Variants in ZNF398 observed in about 807,000 individuals in gnomAD.
ZNF398 encodes zinc finger DNA binding protein ZER6.
Under a neutral mutation model 41.9 loss-of-function variants are expected in ZNF398, and 18 were observed. That is an observed-to-expected ratio of 0.43 (90% confidence interval 0.30 to 0.64). ZNF398 has a LOEUF of 0.64. Ranked by LOEUF, ZNF398 falls within the 30% of genes least tolerant of loss-of-function variation. The pLI is 0.14. For synonymous variants in ZNF398, 260 were observed against 308.8 expected (o/e 0.84, Z 1.66); for missense variants, 669 against 822.8 (o/e 0.81, Z 2.29).
At chr7:149,146,795 C>T (rs1826953485), upstream of ZNF398, among the ~76,000 whole-genome samples, 1 of 151,676 alleles carries the variant, frequency 6.6e-6, no homozygotes, top group Non-Finnish European at 1.5e-5. Context: ...TGCAGTGAGC[C>T]GAGATCCCGC....
intron 2 of ZNF398, among the ~76,000 whole-genome samples, chr7:149,140,618 G>A (rs1047964935): frequency 2.1e-4 from 32 of 151,996 alleles, no homozygotes; most frequent in Non-Finnish European, 1.2e-4. Flanking sequence ...TCCTGACCTC[G>A]GGTGATCCAC....
chr7:149,158,510 C>T (rs1055847371), intron 2 of ZNF398, among the ~76,000 whole-genome samples: 3 of 152,162 alleles, frequency 2.0e-5, no homozygotes, highest in Admixed American at 6.5e-5. Context: ...GCATCTGGAG[C>T]TCCTCCAGAA....
chr7:149,133,437 T>C (rs1035134680), intron 2 of ZNF398, among the ~76,000 whole-genome samples: 1 of 150,884 alleles, frequency 6.6e-6, no homozygotes, highest in Non-Finnish European at 1.5e-5. Context: ...TTATGACCTG[T>C]ATGTTGTGCT....
Position 149,182,211 on chromosome 7 carries a change from C to A in ZNF398, c.*2410C>A, listed in dbSNP as rs148368285. ...GACCTAAACTTTGGCAAAAAGTGAACACAATTCAAATACGAATGAAGGAAG... is the reference window on the plus strand; with the variant it reads ...GACCTAAACTTTGGCAAAAAGTGAAAACAATTCAAATACGAATGAAGGAAG... On this transcript the variant is annotated 3_prime_UTR_variant, in exon 6 of 6. Transcript: ENST00000475153. 3.1e-4 allele frequency: 47 copies of A among 152,270 alleles called. No homozygotes were observed. Among genetic ancestry groups the A allele is most frequent in the African/African-American group, 1.0e-3 (42 of 41,530 alleles). 9.4% of individuals were successfully genotyped at this position (152,270 alleles called of 1,614,324 possible).
At position 149,179,239 on chromosome 7, in the gene ZNF398, G is replaced by A. The variant is rs776172764; in HGVS notation, c.1367G>A (p.Arg456His). 16 of 1,612,708 alleles carry A rather than the reference G, an allele frequency of 9.9e-6. No individual in the cohort carries two copies. The highest frequency in any genetic ancestry group is 4.4e-5 in the South Asian group (4 of 91,050). The change falls in exon 6 of 6, where the codon CGC (arginine) becomes CAC (histidine). Residue 456 changes from arginine (R) to histidine (H), a missense_variant. Around this residue, in one of 3 missense-constraint regions of ZNF398, gnomAD observed 210 missense variants for 290.4 expected, o/e 0.72. Coordinates refer to ENST00000475153, the MANE Select transcript of ZNF398 (RefSeq NM_170686.3). This position sits in a 1 kb window ranked among gnomAD's most constrained non-coding sequence, Gnocchi z 6.1. ...GCTCATGCAAGCGAAAGGCCCTTCC[G>A]CTGTGCCCAGTGCGGCAGGAGCTTC... ...RRAHASERPFRCAQCGRSFSL... is the reference protein window; with the variant it reads ...RRAHASERPFHCAQCGRSFSL...
chr7:149,155,716 T>TA (rs1335995239), intron 2 of ZNF398, among the ~76,000 whole-genome samples: 307 of 26,486 alleles, frequency 0.012, 4 homozygotes, highest in East Asian at 0.039. Flanking sequence ...TATTTTTTTT[T>TA]TTTTTTTTTT....
Position 149,179,370 on chromosome 7 carries a change from C to A in ZNF398, c.1498C>A (p.Arg500Ser), listed in dbSNP as rs761838813. Residue 500 changes from arginine to serine, a missense_variant, in exon 6 of 6, where the codon CGC (arginine) becomes AGC (serine). Coordinates refer to ENST00000475153, the MANE Select transcript of ZNF398 (RefSeq NM_170686.3). This position sits in a 1 kb window ranked among gnomAD's most constrained non-coding sequence, Gnocchi z 6.1. ...IDFNGHSALI[R>S]HQMIHTGERP... ...CTTCAACGGCCACTCGGCCCTGATC[C>A]GCCACCAGATGATCCACACAGGCGA... The A allele has an allele frequency of 6.2e-7, 1 of 1,613,074 alleles. No homozygotes were observed. Among genetic ancestry groups the A allele is most frequent in the Admixed American group, 1.7e-5 (1 of 59,994 alleles).
intron 4 of ZNF398, among the ~76,000 whole-genome samples, chr7:149,170,172 A>G (rs535621841): frequency 6.6e-6 from 1 of 152,298 alleles, no homozygotes; most frequent in South Asian, 2.1e-4. Flanking sequence ...TGACAAACAC[A>G]ATCATGCGCT....
intron 4 of ZNF398, among the ~76,000 whole-genome samples, chr7:149,173,097 T>A (rs866941857): frequency 3.2e-5 from 1 of 31,204 alleles, no homozygotes; most frequent in Non-Finnish European, 8.1e-5. Flanking sequence ...ATTTCTATTT[T>A]TTTTTTTTTT....
chr7:149,165,646 C>G (rs2129521111), intron 2 of ZNF398, among the ~76,000 whole-genome samples: 1 of 152,274 alleles, frequency 6.6e-6, no homozygotes, highest in Admixed American at 6.5e-5. Flanking sequence ...AAAATCAATC[C>G]TGTTTGCTCT....
chr7:149,179,306 A>C lies in ZNF398; in HGVS notation c.1434A>C (p.Ala478=). Residue 478 remains alanine, a synonymous_variant, in exon 6 of 6, where the codon GCA becomes GCC. Coordinates refer to ENST00000475153, the MANE Select transcript of ZNF398 (RefSeq NM_170686.3). This position sits in a 1 kb window ranked among gnomAD's most constrained non-coding sequence, Gnocchi z 6.1. ...ISLLLHQRGH[A]QERPFSCPQC... ...TCCTGCTCCACCAGCGGGGTCATGCACAAGAGCGCCCTTTCTCCTGCCCTC... is the reference window on the plus strand; with the variant it reads ...TCCTGCTCCACCAGCGGGGTCATGCCCAAGAGCGCCCTTTCTCCTGCCCTC... The C allele has an allele frequency of 6.2e-7, 1 of 1,613,218 alleles. No individual in the cohort carries two copies. Among genetic ancestry groups the C allele is most frequent in the African/African-American group, 1.3e-5 (1 of 75,026 alleles).
At chr7:149,159,081 C>T (rs1440696675) in intron 2 of ZNF398, among the ~76,000 whole-genome samples, 2 of 150,148 alleles carry the variant, frequency 1.3e-5, no homozygotes, top group South Asian at 2.1e-4. Flanking sequence ...CGGGGTCAAA[C>T]GATTCTCCTG....
chr7:149,131,554 C>T (rs773518614), intron 2 of ZNF398, among the ~76,000 whole-genome samples: 13 of 152,136 alleles, frequency 8.5e-5, no homozygotes, highest in Admixed American at 3.9e-4. Flanking sequence ...GGTGTGGTGG[C>T]GGACGCCTGT....
At position 149,179,423 on chromosome 7, in the gene ZNF398, T is replaced by C. The variant is rs1167962575; in HGVS notation, c.1551T>C (p.Ser517=). The change falls in exon 6 of 6, where the codon AGT becomes AGC. Residue 517 remains serine (S), a synonymous_variant. Coordinates refer to ENST00000475153, the MANE Select transcript of ZNF398 (RefSeq NM_170686.3). The surrounding 1 kb of genome is among the most constrained non-coding windows in gnomAD (Gnocchi z 6.1). ...GTCCTTACCCCTGCACTGACTGCAG[T>C]AAGAGCTTCATGCGCAAGGAGCACC... ...GERPYPCTDC[S]KSFMRKEHLL... is the part of the protein sequence containing the mutation. 1.2e-6 allele frequency: 2 copies of C among 1,613,810 alleles called. No homozygotes were observed. The highest frequency in any genetic ancestry group is 8.5e-7 in the Non-Finnish European group (1 of 1,180,000).
Position 149,147,658 on chromosome 7 carries a change from C to A in ZNF398, c.-85C>A. ...GGCGCCGCCTGTGGAGAGGACCCGGCGGCCGGGCCTGCTTGGAGCCGGGCG... is the reference window on the plus strand; with the variant it reads ...GGCGCCGCCTGTGGAGAGGACCCGGAGGCCGGGCCTGCTTGGAGCCGGGCG... On this transcript the variant is annotated 5_prime_UTR_variant, in exon 1 of 6. Transcript: ENST00000475153. This position sits in a 1 kb window ranked among gnomAD's most constrained non-coding sequence, Gnocchi z 5.6. The A allele has an allele frequency of 8.2e-7, 1 of 1,223,918 alleles. No homozygotes were observed. The highest frequency in any genetic ancestry group is 1.0e-6 in the Non-Finnish European group (1 of 981,186). The allele number at this position is 1,223,918 out of a possible 1,614,324, so 75.8% of individuals were successfully genotyped here.
intron 2 of ZNF398, among the ~76,000 whole-genome samples, chr7:149,162,493 T>C (rs978502780): frequency 6.6e-6 from 1 of 152,120 alleles, no homozygotes; most frequent in African/African-American, 2.4e-5. Context: ...CACAGCTGGC[T>C]AATTTTTAAA....
Position 149,179,100 on chromosome 7 carries a change from C to T in ZNF398, c.1228C>T (p.Pro410Ser), listed in dbSNP as rs758415968. 29 of 1,613,992 alleles carry T rather than the reference C, an allele frequency of 1.8e-5. No homozygotes were observed. The highest frequency in any genetic ancestry group is 2.2e-5 in the Non-Finnish European group (26 of 1,180,044). Residue 410 changes from proline to serine, a missense_variant, in exon 6 of 6, where the codon CCA becomes TCA. Transcript: ENST00000475153. The surrounding 1 kb of genome is among the most constrained non-coding windows in gnomAD (Gnocchi z 6.1). ...CPHCARTFTH[P>S]SRLTYHLRVH... ...ACACTGTGCCAGGACTTTTACTCAC[C>T]CATCAAGACTTACCTACCATCTTCG...
intron 2 of ZNF398, among the ~76,000 whole-genome samples, chr7:149,135,389 C>CAAAAAAAAAAAAAA (rs777888671): frequency 3.3e-5 from 2 of 61,408 alleles, no homozygotes; most frequent in Non-Finnish European, 6.1e-5. Flanking sequence ...GACTCTGTCT[C>CAAAAAAAAAAAAAA]AAAAAAAAAA....
intron 2 of ZNF398, among the ~76,000 whole-genome samples, chr7:149,155,731 A>AT (rs1235445656): frequency 6.7e-4 from 38 of 56,912 alleles, no homozygotes; most frequent in Admixed American, 8.8e-4. Context: ...TTTTTTTTTA[A>AT]TTTTTTTTTT....
Sources: allele counts gnomAD v4.1 joint callset (sites outside exome capture counted in the v4.1 genomes callset), GRCh38; gene constraint gnomAD v4.1.1; regional missense constraint gnomAD v4.1.1; non-coding constraint Gnocchi (gnomAD v3.1); transcripts MANE v1.5; gene names NCBI Gene and HGNC (gene_info 2026-07-23, HGNC 2026-07-21).